The following PPFIA1 variants were observed in gnomAD, a reference collection of about 807,000 sequenced individuals.
PPFIA1 encodes the protein PPFI scaffold protein A1.
In PPFIA1, 25 loss-of-function variants were observed where a neutral mutation model predicts 149.9. That is an observed-to-expected ratio of 0.17 (90% CI 0.12 to 0.23). The LOEUF (loss-of-function observed/expected upper bound fraction) is 0.23, where lower values mean the gene tolerates loss of function less well. PPFIA1 is among the 10% of genes least tolerant of loss of function. PPFIA1 has a pLI of 1.00. For synonymous variants in PPFIA1, 549 were observed against 552.8 expected, an observed-to-expected ratio of 0.99 and a Z score of 0.10; for missense variants, 1,362 against 1,506.5, an observed-to-expected ratio of 0.90 and a Z score of 1.59.
chr11:70,357,036 G>T (rs970939276), intron 19 of PPFIA1, among the ~76,000 whole-genome samples: 1 of 152,040 alleles, frequency 6.6e-6, no homozygotes, highest in Non-Finnish European at 1.5e-5. Flanking sequence ...GTTGCGTGTT[G>T]GCTGACTGTA....
In PPFIA1 at chr11:70,384,173, T is replaced by TA. The variant is rs1407349443; in HGVS notation, c.*1184dup. ...GTGTGTCAGACCATGGCGTGGTATT[T>TA]ATTGTGCAGCAGATCCAGAGACAGA... On this transcript the variant is annotated 3_prime_UTR_variant, in exon 28 of 28. Transcript: ENST00000253925. 2 of 152,270 alleles carry TA rather than the reference T, an allele frequency of 1.3e-5. No individual in the cohort carries two copies. The highest frequency in any genetic ancestry group is 2.9e-5 in the Non-Finnish European group (2 of 68,034). The allele number at this position is 152,270 out of a possible 1,614,324, so 9.4% of individuals were successfully genotyped here. A position where few individuals can be genotyped will look rare whatever the true frequency, so the allele number is the denominator to read the frequency against.
intron 15 of PPFIA1, among the ~76,000 whole-genome samples, chr11:70,344,612 C>T (rs1165554328): frequency 1.3e-5 from 2 of 152,300 alleles, no homozygotes; most frequent in South Asian, 2.1e-4. Flanking sequence ...GAACGTTTAC[C>T]TTCTTACTTT....
chr11:70,380,032 A>G (rs1276929219), intron 26 of PPFIA1, among the ~76,000 whole-genome samples: 4 of 152,224 alleles, frequency 2.6e-5, no homozygotes, highest in Non-Finnish European at 5.9e-5. Flanking sequence ...TGTGGCTTCA[A>G]TTTCAGTTTT....
chr11:70,276,007 T>G (rs974593200), intron 2 of PPFIA1, among the ~76,000 whole-genome samples: 7 of 152,224 alleles, frequency 4.6e-5, no homozygotes, highest in African/African-American at 1.7e-4. Context: ...TGCCAAGAGT[T>G]TTTTAAAAAC....
chr11:70,287,122 GGATTACAGGCGTGA>G (rs2051199828), intron 2 of PPFIA1, among the ~76,000 whole-genome samples: 2 of 151,670 alleles, frequency 1.3e-5, no homozygotes, highest in African/African-American at 4.9e-5. Flanking sequence ...CAGAGTGCTG[GGATTACAGGCGTGA>G]GCCACCACGC....
chr11:70,380,764 G>A (rs893613229), intron 26 of PPFIA1, among the ~76,000 whole-genome samples: 1 of 151,832 alleles, frequency 6.6e-6, no homozygotes, highest in Non-Finnish European at 1.5e-5. Context: ...AACCTAAAAG[G>A]TATAGGGAAT....
intron 7 of PPFIA1, among the ~76,000 whole-genome samples, chr11:70,329,384 T>C (rs1459672558): frequency 6.6e-6 from 1 of 152,228 alleles, no homozygotes; most frequent in Non-Finnish European, 1.5e-5. Flanking sequence ...TTGAGGTAGT[T>C]ACATTTTCAT....
intron 16 of PPFIA1, among the ~76,000 whole-genome samples, chr11:70,353,854 A>G (rs2137322657): frequency 6.6e-6 from 1 of 152,292 alleles, no homozygotes; most frequent in South Asian, 2.1e-4. Context: ...TGCCCTCTCT[A>G]GTGTTTCTTT....
At chr11:70,349,078 G>T (rs2055888208) in intron 16 of PPFIA1, among the ~76,000 whole-genome samples, 1 of 150,526 alleles carries the variant, frequency 6.6e-6, no homozygotes, top group Admixed American at 6.6e-5. Flanking sequence ...GCACAAAGTG[G>T]GTCAGTGCAT....
intron 16 of PPFIA1, 138 bp from the exon 17 acceptor site, chr11:70,354,163 T>C: frequency 1.1e-6 from 1 of 893,204 alleles, no homozygotes; most frequent in Non-Finnish European, 1.7e-6. Context: ...TTCAGAATGG[T>C]GCCAGACTGA....
chr11:70,288,184 T>C (rs755952119), intron 2 of PPFIA1, among the ~76,000 whole-genome samples: 1 of 151,778 alleles, frequency 6.6e-6, no homozygotes, highest in Non-Finnish European at 1.5e-5. Flanking sequence ...AGCAGTTCTC[T>C]GCCTCAGCCT....
At chr11:70,318,405 G>A (rs775358553) in intron 2 of PPFIA1, among the ~76,000 whole-genome samples, 2 of 152,166 alleles carry the variant, frequency 1.3e-5, no homozygotes, top group Admixed American at 6.5e-5. Context: ...CGGGTGATCT[G>A]TGTGCCCCAG....
intron 16 of PPFIA1, among the ~76,000 whole-genome samples, chr11:70,352,807 C>T (rs113705003): frequency 2.7e-5 from 3 of 111,890 alleles, no homozygotes; most frequent in East Asian, 2.3e-4. Flanking sequence ...GGGAGGGCGG[C>T]GTGTGGAGGT....
At chr11:70,366,002 T>G (rs1160588390) in intron 21 of PPFIA1, 2 of 452,618 alleles carry the variant, frequency 4.4e-6, no homozygotes, top group Admixed American at 4.9e-5. Flanking sequence ...CTTCACTACA[T>G]GTACAGCAGC....
At chr11:70,315,382 A>G (rs888260406) in intron 2 of PPFIA1, among the ~76,000 whole-genome samples, 1 of 152,192 alleles carries the variant, frequency 6.6e-6, no homozygotes, top group Non-Finnish European at 1.5e-5. Flanking sequence ...GCACCCTGCC[A>G]TCTATCTATG....
chr11:70,382,021 T>C, intron 26 of PPFIA1, 67 bp from the exon 27 acceptor site: 1 of 1,407,984 alleles, frequency 7.1e-7, no homozygotes, highest in East Asian at 2.3e-5. Context: ...ACTTGTGCCC[T>C]CATGTGATGT....
intron 2 of PPFIA1, among the ~76,000 whole-genome samples, chr11:70,311,836 C>CA (rs2053303268): frequency 2.9e-5 from 2 of 70,096 alleles, no homozygotes; most frequent in Admixed American, 1.9e-4. Flanking sequence ...AGTGAGTCAG[C>CA]TTTTTTTTTT....
intron 2 of PPFIA1, among the ~76,000 whole-genome samples, chr11:70,296,548 G>A (rs947288669): frequency 1.4e-4 from 21 of 151,992 alleles, no homozygotes; most frequent in Non-Finnish European, 3.1e-4. Flanking sequence ...CAGGCGTGGC[G>A]GTGCGCGCCT....
In PPFIA1 at chr11:70,354,325, C is replaced by T; in HGVS notation, c.2188C>T (p.Arg730Ter). ...TLLPPSREEV[R>*]DDKTTIKCET... Reference sequence around the variant, plus strand: ...GTTGCCACCTTCCAGAGAAGAGGTACGAGATGACAAGACAACCATAAAGTG... The same window carrying T: ...GTTGCCACCTTCCAGAGAAGAGGTATGAGATGACAAGACAACCATAAAGTG... Residue 730 changes from arginine (R) to a stop codon, truncating the protein, a stop_gained, in exon 17 of 28, where the codon CGA becomes TGA. Coordinates refer to ENST00000253925, the MANE Select transcript of PPFIA1 (RefSeq NM_003626.5). LOFTEE classifies it high-confidence loss of function. 1 of 1,613,802 alleles carries T rather than the reference C, an allele frequency of 6.2e-7. No individual in the cohort carries two copies. Among genetic ancestry groups the T allele is most frequent in the Non-Finnish European group, 8.5e-7 (1 of 1,179,882 alleles).
Sources: allele counts gnomAD v4.1 joint callset (sites outside exome capture counted in the v4.1 genomes callset), GRCh38; gene constraint gnomAD v4.1.1; transcripts MANE v1.5; gene names NCBI Gene and HGNC (gene_info 2026-07-23, HGNC 2026-07-21).